The following PDE9A variants were observed in gnomAD, a reference collection of about 807,000 sequenced individuals.
The protein encoded by PDE9A is phosphodiesterase 9A, also known as high affinity cGMP-specific 3',5'-cyclic phosphodiesterase 9A.
Under a neutral mutation model 87.4 loss-of-function variants are expected in PDE9A, and 60 were observed. That is an observed-to-expected ratio of 0.69 (90% CI 0.56 to 0.85). PDE9A has a LOEUF of 0.85. Among genes scored for constraint, PDE9A ranks in the 40% least tolerant of loss-of-function variants. The probability of loss-of-function intolerance (pLI) is 0.00; values close to 1 mark genes in which losing one functional copy is unlikely to be tolerated. For synonymous variants in PDE9A, 272 were observed against 279.4 expected (o/e 0.97, Z 0.27); for missense variants, 665 against 779.0 (o/e 0.85, Z 1.74).
chr21:42,674,316 C>CTTTTTTTTTT (rs34238765), intron 1 of PDE9A, among the ~76,000 whole-genome samples: 1 of 134,608 alleles, frequency 7.4e-6, no homozygotes, highest in Non-Finnish European at 1.6e-5. Flanking sequence ...TTTAGACATT[C>CTTTTTTTTTT]TTTTTTTTTT....
At position 42,719,778 on chromosome 21, in the gene PDE9A, T is replaced by C. The variant is rs77280333; in HGVS notation, c.263-11992T>C. 6.6e-3 allele frequency among the ~76,000 whole-genome samples: 1,013 copies of C among 152,344 alleles called. 8 individuals are homozygous for C. The highest frequency in any genetic ancestry group is 0.023 in the African/African-American group (946 of 41,568). ...CAGTCTTGTTTTTACAGCGATCAGA[T>C]GGTTCTTCTTAATTTCTCTTGCTAC... On this transcript the variant is annotated intron_variant, in intron 4 of 19. Coordinates refer to ENST00000291539, the MANE Select transcript of PDE9A (RefSeq NM_002606.3).
At chr21:42,701,959 C>G (rs11909017) in intron 4 of PDE9A, among the ~76,000 whole-genome samples, 9,380 of 152,008 alleles carry the variant, frequency 0.062, 855 homozygotes, top group African/African-American at 0.2. Flanking sequence ...ATTATGATGG[C>G]CTTGGTGTGG....
intron 4 of PDE9A, among the ~76,000 whole-genome samples, chr21:42,726,624 A>ATATATATATATATATATATTTTTTTTTTT: frequency 1.0e-4 from 2 of 19,774 alleles, no homozygotes; most frequent in African/African-American, 3.4e-4. Flanking sequence ...ATATATATAT[A>ATATATATATATATATATATTTTTTTTTTT]TTTTTTTTTT....
At position 42,759,046 on chromosome 21, in the gene PDE9A, G is replaced by C. The variant is rs1180547860; in HGVS notation, c.858G>C (p.Arg286Ser). The C allele has an allele frequency of 6.2e-7, 1 of 1,614,114 alleles. No individual in the cohort carries two copies. The highest frequency in any genetic ancestry group is 8.5e-7 in the Non-Finnish European group (1 of 1,179,990). ...TGTACCACGACCTCGGGCTGGTCAG[G>C]GACTTCAGCATCAACCCTGTCACCC... Reference protein sequence around the residue: ...EHMYHDLGLVRDFSINPVTLR... With the variant: ...EHMYHDLGLVSDFSINPVTLR... Residue 286 changes from arginine (R) to serine (S), a missense_variant, in exon 11 of 20, where the codon AGG becomes AGC. Coordinates refer to ENST00000291539, the MANE Select transcript of PDE9A (RefSeq NM_002606.3). The surrounding 1 kb of genome is among the most constrained non-coding windows in gnomAD (Gnocchi z 7.2).
In PDE9A at chr21:42,660,707, T is replaced by C. The variant is rs984202571; in HGVS notation, c.69+6824T>C. Among the ~76,000 whole-genome samples, 29 of 151,722 alleles carry C rather than the reference T, an allele frequency of 1.9e-4. No homozygotes were observed. The highest frequency in any genetic ancestry group is 6.8e-4 in the African/African-American group (28 of 41,354). ...CATCTGCAGGAGTTGGAGGAGCGCA[T>C]GCCTGTATTCCTGGCACTGCGGGCA... On this transcript the variant is annotated intron_variant, in intron 1 of 19. Coordinates refer to ENST00000291539, the MANE Select transcript of PDE9A (RefSeq NM_002606.3). The surrounding 1 kb of genome is among the most constrained non-coding windows in gnomAD (Gnocchi z 4.7).
In PDE9A at chr21:42,726,144, G is replaced by A. The variant is rs374256718; in HGVS notation, c.263-5626G>A. Among the ~76,000 whole-genome samples, 23 of 152,144 alleles carry A rather than the reference G, an allele frequency of 1.5e-4. No individual in the cohort carries two copies. The South Asian group carries it at 1.9e-3, about 12-fold the overall frequency. ...GTACCCATCTGCTCATCTCTTGCCC[G>A]CTTTCAAGTTGGCTGGTTTTGTTTT... On this transcript the variant is annotated intron_variant, in intron 4 of 19. Transcript: ENST00000291539.
rs34279659 is a variant in PDE9A, at chr21:42,689,086, G to T, written c.218+1092G>T. 0.022 allele frequency among the ~76,000 whole-genome samples: 3,350 copies of T among 151,574 alleles called. 189 individuals carry two copies. The East Asian group carries it at 0.23, about 11-fold the overall frequency. On this transcript the variant is annotated intron_variant, in intron 3 of 19. Transcript: ENST00000291539. ...CGCCATCCCCCTCAGCGAGGTCCTC[G>T]TGGGTGTGGCCAGCACCATCCCACT...
chr21:42,654,300 C>T (rs904476989), intron 1 of PDE9A, among the ~76,000 whole-genome samples: 2 of 152,018 alleles, frequency 1.3e-5, no homozygotes, highest in Admixed American at 6.5e-5. Flanking sequence ...GGCGGGGACA[C>T]TGCTCCCCCG....
At chr21:42,748,782 C>T (rs59323298) in intron 8 of PDE9A, among the ~76,000 whole-genome samples, 3 of 152,276 alleles carry the variant, frequency 2.0e-5, no homozygotes, top group South Asian at 2.1e-4. Context: ...TTTTAACCAG[C>T]GTACAGCTCA....
rs531431026 is a variant in PDE9A at position 42,746,078 on chromosome 21, G to A, written c.653+2218G>A. Among the ~76,000 whole-genome samples the A allele has an allele frequency of 3.3e-5, 5 of 152,364 alleles. No homozygotes were observed. The South Asian group carries it at 1.0e-3, about 32-fold the overall frequency. ...CGACTGCATTTACCGCCCACCTACA[G>A]CAGCAGGAGTGAGTGGTGAGACAGC... is the stretch of plus-strand genomic sequence containing the variant. On this transcript the variant is annotated intron_variant, in intron 8 of 19. Transcript: ENST00000291539.
intron 4 of PDE9A, among the ~76,000 whole-genome samples, chr21:42,709,811 T>C (rs2049150914): frequency 2.6e-5 from 4 of 152,024 alleles, no homozygotes; most frequent in Admixed American, 2.6e-4. Context: ...AGCCTCCGAG[T>C]AGAGACATGT....
chr21:42,752,741 C>T (rs529022835), intron 9 of PDE9A, among the ~76,000 whole-genome samples: 1 of 152,340 alleles, frequency 6.6e-6, no homozygotes, highest in Non-Finnish European at 1.5e-5. Context: ...CCAGTAAGAC[C>T]TAGGAGAAGA....
Position 42,659,757 on chromosome 21 carries a change from C to G in PDE9A, c.69+5874C>G, listed in dbSNP as rs2057346207. 6.6e-6 allele frequency among the ~76,000 whole-genome samples: 1 copy of G among 152,198 alleles called. No homozygotes were observed. Among genetic ancestry groups the G allele is most frequent in the South Asian group, 2.1e-4 (1 of 4,818 alleles). ...ACCACAGGCCCCATGAGCCCAGGTCCCACAGCCCGCACCTTCGTCTTCCAG... is the reference window on the plus strand; with the variant it reads ...ACCACAGGCCCCATGAGCCCAGGTCGCACAGCCCGCACCTTCGTCTTCCAG... On this transcript the variant is annotated intron_variant, in intron 1 of 19. Coordinates refer to ENST00000291539, the MANE Select transcript of PDE9A (RefSeq NM_002606.3). This position sits in a 1 kb window ranked among gnomAD's most constrained non-coding sequence, Gnocchi z 4.1.
At chr21:42,753,512 G>C (rs887255729) in intron 9 of PDE9A, among the ~76,000 whole-genome samples, 1 of 152,158 alleles carries the variant, frequency 6.6e-6, no homozygotes, top group Non-Finnish European at 1.5e-5. Context: ...TCCACCCGTA[G>C]CATTGGCCCT....
chr21:42,656,162 C>T (rs75385909), intron 1 of PDE9A, among the ~76,000 whole-genome samples: 6,161 of 152,286 alleles, frequency 0.04, 331 homozygotes, highest in East Asian at 0.29. Flanking sequence ...CCCATCTCCT[C>T]TCCATCAAAG....
rs975208280 is a variant in PDE9A, at chr21:42,767,140, A to T, written c.1357-1048A>T. 2.6e-5 allele frequency among the ~76,000 whole-genome samples: 4 copies of T among 152,072 alleles called. No homozygotes were observed. In the East Asian group the frequency reaches 7.8e-4, roughly 30 times the overall value. ...GACGGGGCTTTATGAACACGGGTGGAGGACAGAGGTTGGGGTAAGGTCTCG... is the reference window on the plus strand; with the variant it reads ...GACGGGGCTTTATGAACACGGGTGGTGGACAGAGGTTGGGGTAAGGTCTCG... On this transcript the variant is annotated intron_variant, in intron 15 of 19. Coordinates refer to ENST00000291539, the MANE Select transcript of PDE9A (RefSeq NM_002606.3).
Position 42,775,399 on chromosome 21 carries a change from T to C in PDE9A, c.*106T>C. 1 of 889,276 alleles carries C rather than the reference T, an allele frequency of 1.1e-6. No individual in the cohort carries two copies. The highest frequency in any genetic ancestry group is 1.7e-5 in the African/African-American group (1 of 57,514). The allele number at this position is 889,276 out of a possible 1,614,324, so 55.1% of individuals were successfully genotyped here. On this transcript the variant is annotated 3_prime_UTR_variant, in exon 20 of 20. Transcript: ENST00000291539. ...GGCACCTGGCACCACAAGACCATGT[T>C]TTCTAAGAACCATTTTGTTCACTGA... is the stretch of plus-strand genomic sequence containing the variant.
chr21:42,669,565 G>A (rs71320538), intron 1 of PDE9A, among the ~76,000 whole-genome samples: 3,511 of 152,274 alleles, frequency 0.023, 67 homozygotes, highest in Middle Eastern at 0.048. Flanking sequence ...GGCATGCTTC[G>A]GAGCCTCGGC....
In PDE9A at chr21:42,722,054, C is replaced by T. The variant is rs778897946; in HGVS notation, c.263-9716C>T. On this transcript the variant is annotated intron_variant, in intron 4 of 19. Coordinates refer to ENST00000291539, the MANE Select transcript of PDE9A (RefSeq NM_002606.3). The surrounding 1 kb of genome is among the most constrained non-coding windows in gnomAD (Gnocchi z 4.1). ...GCAGTGGCACAATCTCAGCTCACTG[C>T]AACCTCCGACTCCCTGGTTCAAGTG... Among the ~76,000 whole-genome samples, 66 of 151,840 alleles carry T rather than the reference C, an allele frequency of 4.3e-4. No homozygotes were observed. Among genetic ancestry groups the T allele is most frequent in the Non-Finnish European group, 1.3e-4 (9 of 67,984 alleles).
Sources: allele counts gnomAD v4.1 joint callset (sites outside exome capture counted in the v4.1 genomes callset), GRCh38; gene constraint gnomAD v4.1.1; non-coding constraint Gnocchi (gnomAD v3.1); transcripts MANE v1.5; gene names NCBI Gene and HGNC (gene_info 2026-07-23, HGNC 2026-07-21).